RASEF: variants seen among roughly 807,000 people sequenced by gnomAD.
RASEF encodes RAS and EF-hand domain containing, also known as ras and EF-hand domain-containing protein.
A neutral mutation model predicts 90.1 loss-of-function variants in RASEF; 68 were observed. The observed-to-expected ratio is 0.75, with a 90% CI of 0.62 to 0.92. The LOEUF (loss-of-function observed/expected upper bound fraction) is 0.92, where lower values mean the gene tolerates loss of function less well. RASEF is among the 40% of genes least tolerant of loss of function. The probability of loss-of-function intolerance (pLI) is 0.00; values close to 1 mark genes in which losing one functional copy is unlikely to be tolerated. For synonymous variants in RASEF, 331 were observed against 345.2 expected (o/e 0.96, Z 0.46); for missense variants, 949 against 937.2 (o/e 1.01, Z -0.16).
the RASEF span, among the ~76,000 whole-genome samples, chr9:83,213,748 G>A: frequency 5.2e-4 from 79 of 152,240 alleles, no homozygotes; most frequent in African/African-American, 1.6e-3. Context: ...CTCTCATGCC[G>A]AGTATATGGT....
intron 4 of RASEF, among the ~76,000 whole-genome samples, chr9:83,015,223 C>T (rs866937466): frequency 2.6e-5 from 4 of 152,204 alleles, no homozygotes; most frequent in African/African-American, 9.6e-5. Context: ...ATGAAGCATG[C>T]AGTCTACCAG....
chr9:83,035,722 G>GA (rs1829729360), intron 1 of RASEF, among the ~76,000 whole-genome samples: 1 of 151,086 alleles, frequency 6.6e-6, no homozygotes. Context: ...ATTTTTCATG[G>GA]AAAAAAATAT....
At chr9:83,123,746 G>A in the RASEF span, among the ~76,000 whole-genome samples, 1 of 152,132 alleles carries the variant, frequency 6.6e-6, no homozygotes, top group Non-Finnish European at 1.5e-5. Context: ...AACTGATCAG[G>A]CTTCCACACT....
At chr9:83,164,597 AATT>A in the RASEF span, among the ~76,000 whole-genome samples, 1 of 150,700 alleles carries the variant, frequency 6.6e-6, no homozygotes, top group Admixed American at 6.6e-5. Flanking sequence ...GAAAAAATCA[AATT>A]AGAACCACCA....
the RASEF span, among the ~76,000 whole-genome samples, chr9:83,139,167 G>T: frequency 6.6e-6 from 1 of 152,180 alleles, no homozygotes; most frequent in Non-Finnish European, 1.5e-5. Context: ...TAGACAAGCA[G>T]GATATGCCTC....
intron 1 of RASEF, chr9:83,048,662 G>T: frequency 1.0e-6 from 1 of 985,386 alleles, no homozygotes; most frequent in Admixed American, 6.1e-5. Flanking sequence ...TTTAGGATTG[G>T]GAGATTTAAC....
the RASEF span, among the ~76,000 whole-genome samples, chr9:83,208,082 A>G: frequency 1.3e-5 from 2 of 152,106 alleles, no homozygotes; most frequent in Non-Finnish European, 2.9e-5. Context: ...TTCTCCATCC[A>G]TTGGAGCTGT....
chr9:82,982,799 G>T lies in RASEF; in HGVS notation c.2118-17C>A. On this transcript the variant is annotated splice_polypyrimidine_tract_variant and intron_variant, in intron 16 of 16. Coordinates refer to ENST00000376447, the MANE Select transcript of RASEF (RefSeq NM_152573.4). ...TTCACTTCTCTGAGACAGAGATAGA[G>T]AGAGACAGAGAGAGAGAGAGAGAGA... 1 of 1,229,952 alleles carries T rather than the reference G, an allele frequency of 8.1e-7. No individual in the cohort carries two copies. Among genetic ancestry groups the T allele is most frequent in the Non-Finnish European group, 1.2e-6 (1 of 852,534 alleles). 76.2% of individuals were successfully genotyped at this position (1,229,952 alleles called of 1,614,324 possible). A position where few individuals can be genotyped will look rare whatever the true frequency, so the allele number is the denominator to read the frequency against.
chr9:83,160,138 T>C, the RASEF span, among the ~76,000 whole-genome samples: 4 of 152,140 alleles, frequency 2.6e-5, no homozygotes, highest in East Asian at 7.7e-4. Context: ...AACAGTAGGG[T>C]GGGGCACTGC....
intron 12 of RASEF, among the ~76,000 whole-genome samples, chr9:82,998,770 T>C (rs1314466970): frequency 6.6e-6 from 1 of 152,122 alleles, no homozygotes; most frequent in Admixed American, 6.6e-5. Flanking sequence ...TGTGTACATG[T>C]GTGTATGAGT....
chr9:82,987,236 A>G (rs1828725697), intron 16 of RASEF, among the ~76,000 whole-genome samples: 1 of 140,978 alleles, frequency 7.1e-6, no homozygotes, highest in African/African-American at 2.6e-5. Context: ...GTATAAAGCA[A>G]TTAAGGTCTT....
chr9:83,158,691 T>C, the RASEF span, among the ~76,000 whole-genome samples: 7 of 148,752 alleles, frequency 4.7e-5, no homozygotes, highest in South Asian at 1.3e-3. Context: ...CATATACATA[T>C]ATGTATATAT....
At chr9:83,128,275 G>C in the RASEF span, among the ~76,000 whole-genome samples, 1 of 152,040 alleles carries the variant, frequency 6.6e-6, no homozygotes, top group East Asian at 1.9e-4. Context: ...CAGATCCCTG[G>C]TGAAACCCGA....
At chr9:83,167,532 C>T in the RASEF span, among the ~76,000 whole-genome samples, 1 of 152,104 alleles carries the variant, frequency 6.6e-6, no homozygotes, top group Non-Finnish European at 1.5e-5. Context: ...ATATAACTCA[C>T]ACACATATAA....
At chr9:83,115,091 A>G in the RASEF span, among the ~76,000 whole-genome samples, 447 of 152,136 alleles carry the variant, frequency 2.9e-3, 2 homozygotes, top group African/African-American at 0.01. Context: ...CTGTCCTTTT[A>G]TTTCTCAAAC....
intron 1 of RASEF, among the ~76,000 whole-genome samples, chr9:83,058,065 CCCT>C (rs1382107847): frequency 6.6e-6 from 1 of 150,796 alleles, no homozygotes; most frequent in Non-Finnish European, 1.5e-5. Flanking sequence ...TCTTCCTTTC[CCCT>C]CCATCTGAGC....
the RASEF span, among the ~76,000 whole-genome samples, chr9:83,079,150 G>T: frequency 6.6e-6 from 1 of 152,124 alleles, no homozygotes; most frequent in African/African-American, 2.4e-5. Context: ...AGAATGGTTT[G>T]CCTAGGTTGT....
the RASEF span, among the ~76,000 whole-genome samples, chr9:83,182,865 C>A: frequency 6.6e-6 from 1 of 151,986 alleles, no homozygotes; most frequent in African/African-American, 2.4e-5. Context: ...ATGTGCCATA[C>A]CTTAGCAATG....
At chr9:83,156,177 C>A in the RASEF span, among the ~76,000 whole-genome samples, 1 of 152,150 alleles carries the variant, frequency 6.6e-6, no homozygotes, top group African/African-American at 2.4e-5. Flanking sequence ...TTCCATCTGG[C>A]ACACACATAC....
Sources: gnomAD v4.1 joint callset for allele counts (sites outside exome capture counted in the v4.1 genomes callset) on GRCh38, gnomAD v4.1.1 for gene constraint, MANE v1.5 for transcripts, NCBI Gene and HGNC (gene_info 2026-07-23, HGNC 2026-07-21) for gene names.